DLGAP2: variants seen among roughly 807,000 people sequenced by gnomAD.
DLGAP2 encodes disks large-associated protein 2.
In DLGAP2, 26 loss-of-function variants were observed where a neutral mutation model predicts 100.3. The ratio of observed to expected loss-of-function variants is 0.26; its 90% CI spans 0.19 to 0.36. DLGAP2 has a LOEUF of 0.36. DLGAP2 is among the 10% of genes least tolerant of loss of function. The probability of loss-of-function intolerance (pLI) is 1.00; values close to 1 mark genes in which losing one functional copy is unlikely to be tolerated. For synonymous variants in DLGAP2, 886 were observed against 630.1 expected (o/e 1.41, Z -6.08); for missense variants, 1,858 against 1,453.2 (o/e 1.28, Z -4.53).
At chr8:766,191 A>T (rs1821211754) in intron 1 of DLGAP2, among the ~76,000 whole-genome samples, 1 of 152,062 alleles carries the variant, frequency 6.6e-6, no homozygotes, top group Admixed American at 6.6e-5. Flanking sequence ...CAAGAAACAA[A>T]ACCAATCCAC....
intron 3 of DLGAP2, among the ~76,000 whole-genome samples, chr8:1,383,839 A>T (rs764538937): frequency 2.6e-5 from 4 of 152,204 alleles, no homozygotes; most frequent in African/African-American, 7.2e-5. Context: ...AGCAGAGTAA[A>T]CTAATGAATC....
chr8:769,477 T>A (rs1821301435), intron 1 of DLGAP2, among the ~76,000 whole-genome samples: 1 of 151,996 alleles, frequency 6.6e-6, no homozygotes, highest in South Asian at 2.1e-4. Context: ...AATGAAACAA[T>A]AGAGAATCCC....
At chr8:1,362,248 G>A (rs945507656) in intron 3 of DLGAP2, among the ~76,000 whole-genome samples, 5 of 152,094 alleles carry the variant, frequency 3.3e-5, no homozygotes, top group Non-Finnish European at 7.4e-5. Flanking sequence ...GTTCCCCACA[G>A]TGGCAGCTCC....
chr8:1,091,428 A>C (rs1804178425), intron 2 of DLGAP2, among the ~76,000 whole-genome samples: 1 of 152,248 alleles, frequency 6.6e-6, no homozygotes, highest in East Asian at 1.9e-4. Context: ...TAAGACGCTA[A>C]CTATTAAAAA....
At chr8:883,549 T>C (rs1797854929) in intron 1 of DLGAP2, among the ~76,000 whole-genome samples, 1 of 151,318 alleles carries the variant, frequency 6.6e-6, no homozygotes, top group Non-Finnish European at 1.5e-5. Flanking sequence ...ATGTACAGAA[T>C]GTGCAGGTTT....
chr8:1,342,723 A>T, intron 3 of DLGAP2, among the ~76,000 whole-genome samples: 1 of 152,240 alleles, frequency 6.6e-6, no homozygotes, highest in East Asian at 1.9e-4. Flanking sequence ...GACTAAGCAG[A>T]ACTTCAAAAC....
At chr8:1,173,066 A>T (rs7831849) in intron 2 of DLGAP2, among the ~76,000 whole-genome samples, 76,659 of 151,830 alleles carry the variant, frequency 0.5, 20,359 homozygotes, top group Admixed American at 0.62. Flanking sequence ...TTTGGTGTGG[A>T]TGTCCTTTCT....
chr8:1,678,142 G>C, intron 11 of DLGAP2, 72 bp from the exon 12 acceptor site: 4 of 1,522,268 alleles, frequency 2.6e-6, no homozygotes, highest in Non-Finnish European at 3.5e-6. Flanking sequence ...CCTGACAGGC[G>C]ACATGTAGGA....
chr8:757,018 G>T lies in DLGAP2; in HGVS notation c.18+19193G>T, dbSNP rs563296757. Among the ~76,000 whole-genome samples the T allele has an allele frequency of 7.2e-5, 11 of 152,288 alleles. 1 individual carries two copies. The highest frequency in any genetic ancestry group is 7.2e-4 in the Admixed American group (11 of 15,302). Reference sequence around the variant, plus strand: ...TCCGGAATGTTTGCCTCAAGAAGCTGTTTCCGTGCAGTTCCCTGTTCGTGG... The same window carrying T: ...TCCGGAATGTTTGCCTCAAGAAGCTTTTTCCGTGCAGTTCCCTGTTCGTGG... On this transcript the variant is annotated intron_variant, in intron 1 of 14. Transcript: ENST00000637795.
rs1165790168 is a variant in DLGAP2, at chr8:1,481,471, C to CTTTTTT, written c.107-19876_107-19871dup. Among the ~76,000 whole-genome samples the CTTTTTT allele has an allele frequency of 1.0e-2, 434 of 43,520 alleles. 1 individual carries two copies. The highest frequency in any genetic ancestry group is 0.014 in the South Asian group (11 of 772). 28.6% of individuals were successfully genotyped at this position (43,520 alleles called of 152,430 possible). ...GGATTTTCTTTTTCTTTTTCTTTTT[C>CTTTTTT]TTTTTTTTTTTTTTTTTTTTTTTTG... On this transcript the variant is annotated intron_variant, in intron 3 of 14. Transcript: ENST00000637795.
chr8:1,252,708 G>A (rs1416276093), intron 2 of DLGAP2, among the ~76,000 whole-genome samples: 6 of 152,274 alleles, frequency 3.9e-5, no homozygotes, highest in Non-Finnish European at 5.9e-5. Flanking sequence ...TCATGGCTGG[G>A]CAGTGGCCAT....
intron 2 of DLGAP2, among the ~76,000 whole-genome samples, chr8:1,193,405 G>A (rs191327944): frequency 6.6e-6 from 1 of 152,264 alleles, no homozygotes; most frequent in African/African-American, 2.4e-5. Flanking sequence ...GTTTTGATTT[G>A]CATTTGTCTG....
intron 4 of DLGAP2, among the ~76,000 whole-genome samples, chr8:1,540,508 C>G (rs928232845): frequency 2.0e-5 from 3 of 152,204 alleles, no homozygotes; most frequent in Admixed American, 2.0e-4. Context: ...CTCTCCAATT[C>G]TGTAATTCTA....
rs71202653 is a variant in DLGAP2 at position 747,758 on chromosome 8, G to GC, written c.18+9933_18+9934insC. Among the ~76,000 whole-genome samples the GC allele has an allele frequency of 5.6e-3, 126 of 22,316 alleles. 3 individuals carry two copies. The highest frequency in any genetic ancestry group is 8.2e-3 in the Non-Finnish European group (98 of 11,900). 14.6% of individuals were successfully genotyped at this position (22,316 alleles called of 152,430 possible). On this transcript the variant is annotated intron_variant, in intron 1 of 14. Coordinates refer to ENST00000637795, the MANE Select transcript of DLGAP2 (RefSeq NM_001346810.2). The stretch of plus-strand genomic sequence containing the variant: ...ATGGGGGGGCTCTGCGGTGGGATGG[G>GC]GGTCTCTGCGGTGGGATGGGGGGCT...
chr8:1,544,349 C>T (rs1801461367), intron 4 of DLGAP2, among the ~76,000 whole-genome samples: 1 of 152,228 alleles, frequency 6.6e-6, no homozygotes, highest in East Asian at 1.9e-4. Flanking sequence ...CTCCTGTAAC[C>T]TGCTCCTTTG....
At chr8:1,449,290 G>T (rs373793285) in intron 3 of DLGAP2, among the ~76,000 whole-genome samples, 5 of 152,320 alleles carry the variant, frequency 3.3e-5, no homozygotes, top group South Asian at 4.1e-4. Flanking sequence ...TTCTGAGACA[G>T]GGTCGGGCCA....
At chr8:1,234,565 G>T (rs1798604011) in intron 2 of DLGAP2, among the ~76,000 whole-genome samples, 1 of 152,174 alleles carries the variant, frequency 6.6e-6, no homozygotes, top group Non-Finnish European at 1.5e-5. Context: ...ACATTCTGAG[G>T]TCCTGCAGGT....
intron 3 of DLGAP2, among the ~76,000 whole-genome samples, chr8:1,365,370 GA>G: frequency 1.3e-5 from 2 of 152,278 alleles, no homozygotes; most frequent in South Asian, 4.2e-4. Flanking sequence ...GGGGAGCAGG[GA>G]GATGCTTGGA....
chr8:1,381,407 CTT>C (rs1796091865), intron 3 of DLGAP2: 1 of 152,188 alleles, frequency 6.6e-6, no homozygotes, highest in Admixed American at 6.5e-5. Context: ...GAGCGTAACT[CTT>C]TTGTACTCAA....
Sources: allele counts gnomAD v4.1 joint callset (sites outside exome capture counted in the v4.1 genomes callset), GRCh38; gene constraint gnomAD v4.1.1; transcripts MANE v1.5; gene names NCBI Gene and HGNC (gene_info 2026-07-23, HGNC 2026-07-21).